ANK2: variants seen among roughly 807,000 people sequenced by gnomAD.
ANK2 encodes the protein ankyrin 2.
ANK2 carries 83 observed loss-of-function variants against 360.5 expected under a neutral mutation model. That is an observed-to-expected ratio of 0.23 (90% CI 0.19 to 0.28). The LOEUF (loss-of-function observed/expected upper bound fraction) is 0.28, where lower values mean the gene tolerates loss of function less well. ANK2 is among the 10% of genes least tolerant of loss of function. ANK2 has a pLI of 1.00. For synonymous variants in ANK2, 1,740 were observed against 1,759.5 expected, an observed-to-expected ratio of 0.99 and a Z score of 0.28; for missense variants, 4,201 against 4,795.7, an observed-to-expected ratio of 0.88 and a Z score of 3.66.
intron 1 of ANK2, among the ~76,000 whole-genome samples, chr4:113,091,852 G>A (rs17045537): frequency 0.28 from 42,734 of 152,002 alleles, 6,819 homozygotes; most frequent in African/African-American, 0.43. Flanking sequence ...TTCAGTTTGC[G>A]CTCTCTCAGA....
the ANK2 span, among the ~76,000 whole-genome samples, chr4:112,751,849 G>A: frequency 7.0e-4 from 106 of 152,312 alleles, 1 homozygote; most frequent in African/African-American, 2.5e-3. Flanking sequence ...GGGATGTGGA[G>A]GATGTGCTGG....
chr4:112,985,317 A>G (rs904617636), intron 2 of ANK2, among the ~76,000 whole-genome samples: 1 of 152,252 alleles, frequency 6.6e-6, no homozygotes, highest in Non-Finnish European at 1.5e-5. Flanking sequence ...AAGTTACCAC[A>G]CAACACCCAC....
intron 1 of ANK2, among the ~76,000 whole-genome samples, chr4:113,160,100 A>G (rs1352246147): frequency 6.6e-6 from 1 of 152,212 alleles, no homozygotes; most frequent in Non-Finnish European, 1.5e-5. Context: ...GTATTACTAA[A>G]TTCATTAGTC....
At chr4:113,328,666 A>G (rs190464588) in intron 26 of ANK2, among the ~76,000 whole-genome samples, 29 of 152,274 alleles carry the variant, frequency 1.9e-4, no homozygotes, top group African/African-American at 7.0e-4. Flanking sequence ...CGGGCTAGGT[A>G]TGAATGGAAG....
intron 1 of ANK2, among the ~76,000 whole-genome samples, chr4:113,168,533 T>C (rs947706770): frequency 2.0e-5 from 3 of 152,220 alleles, no homozygotes; most frequent in African/African-American, 7.2e-5. Flanking sequence ...TTAGTAGCAA[T>C]CTAAAGAGCT....
the ANK2 span, among the ~76,000 whole-genome samples, chr4:112,791,476 CTTCTTTTTTTTTTT>C: frequency 9.2e-5 from 9 of 98,294 alleles, no homozygotes; most frequent in East Asian, 2.9e-3. Flanking sequence ...TCTTCTTCTT[CTTCTTTTTTTTTTT>C]TTTTTTTTTT....
the ANK2 span, among the ~76,000 whole-genome samples, chr4:112,724,917 A>G: frequency 6.6e-6 from 1 of 152,218 alleles, no homozygotes; most frequent in East Asian, 1.9e-4. Flanking sequence ...GAAGCAAGCC[A>G]AATGTCAGAA....
intron 1 of ANK2, among the ~76,000 whole-genome samples, chr4:113,150,655 G>A (rs1318203829): frequency 2.0e-5 from 3 of 152,178 alleles, no homozygotes; most frequent in Non-Finnish European, 4.4e-5. Context: ...GGATTATAGA[G>A]TACTTCAGGA....
At chr4:113,242,977 G>C (rs539065062) in intron 9 of ANK2, among the ~76,000 whole-genome samples, 1 of 152,238 alleles carries the variant, frequency 6.6e-6, no homozygotes, top group Admixed American at 6.5e-5. Flanking sequence ...AGTTGTGTGA[G>C]AATTAACTCT....
At chr4:113,304,326 T>C (rs2076275680) in intron 23 of ANK2, among the ~76,000 whole-genome samples, 1 of 152,198 alleles carries the variant, frequency 6.6e-6, no homozygotes, top group South Asian at 2.1e-4. Context: ...TTGCTTTTGA[T>C]TTTTCTTAAC....
At chr4:113,007,345 G>A (rs2053248709) in intron 2 of ANK2, among the ~76,000 whole-genome samples, 1 of 152,138 alleles carries the variant, frequency 6.6e-6, no homozygotes, top group Non-Finnish European at 1.5e-5. Context: ...GAAGCAGGTG[G>A]CTAAGTGTGG....
chr4:112,859,758 C>G (rs2067404570), intron 1 of ANK2, among the ~76,000 whole-genome samples: 1 of 152,192 alleles, frequency 6.6e-6, no homozygotes, highest in Non-Finnish European at 1.5e-5. Flanking sequence ...AGGGCCCCCT[C>G]TCATGTGGCT....
intron 2 of ANK2, among the ~76,000 whole-genome samples, chr4:113,043,263 A>G (rs1034093678): frequency 1.3e-5 from 2 of 152,114 alleles, no homozygotes; most frequent in Non-Finnish European, 2.9e-5. Flanking sequence ...TTTAGCTTCC[A>G]AGGAGGTGGA....
chr4:113,340,855 A>G (rs1281405319), intron 32 of ANK2, among the ~76,000 whole-genome samples: 3 of 151,880 alleles, frequency 2.0e-5, no homozygotes, highest in Admixed American at 2.0e-4. Flanking sequence ...TCTCAAAAAA[A>G]AAAAAAAGAA....
At chr4:112,960,069 A>C (rs1396083320) in intron 2 of ANK2, among the ~76,000 whole-genome samples, 15 of 152,202 alleles carry the variant, frequency 9.9e-5, no homozygotes, top group Admixed American at 9.8e-4. Flanking sequence ...ATTTATTTAA[A>C]ATAGCCAAGG....
intron 2 of ANK2, among the ~76,000 whole-genome samples, chr4:112,937,213 A>T (rs1469849557): frequency 6.6e-6 from 1 of 152,212 alleles, no homozygotes; most frequent in East Asian, 1.9e-4. Context: ...GATGGGTGAC[A>T]AAAATCTCAC....
At chr4:113,262,668 C>CA (rs904974994) in intron 13 of ANK2, among the ~76,000 whole-genome samples, 1 of 151,932 alleles carries the variant, frequency 6.6e-6, no homozygotes, top group Admixed American at 6.6e-5. Flanking sequence ...ATAAAAATAA[C>CA]AAAAAATTTT....
intron 2 of ANK2, among the ~76,000 whole-genome samples, chr4:112,904,806 T>C (rs1374111699): frequency 6.6e-6 from 1 of 152,088 alleles, no homozygotes; most frequent in African/African-American, 2.4e-5. Context: ...GAAATCTGAA[T>C]ACAATAGACA....
intron 1 of ANK2, among the ~76,000 whole-genome samples, chr4:113,100,678 A>G (rs77693528): frequency 0.013 from 1,904 of 152,228 alleles, 30 homozygotes; most frequent in African/African-American, 0.044. Context: ...TCTGCGCTTG[A>G]ATGTTTACAG....
Sources: gnomAD v4.1 joint callset for allele counts (sites outside exome capture counted in the v4.1 genomes callset) on GRCh38, gnomAD v4.1.1 for gene constraint, MANE v1.5 for transcripts, NCBI Gene and HGNC (gene_info 2026-07-23, HGNC 2026-07-21) for gene names.